The following GPT2 variants were observed in gnomAD, a reference collection of about 807,000 sequenced individuals.
The protein encoded by GPT2 is glutamic--pyruvic transaminase 2, also known as alanine aminotransferase 2.
Under a neutral mutation model 56.9 loss-of-function variants are expected in GPT2, and 30 were observed. The ratio of observed to expected loss-of-function variants is 0.53; its 90% CI spans 0.39 to 0.72. The LOEUF (loss-of-function observed/expected upper bound fraction) is 0.72. GPT2 is among the 30% of genes least tolerant of loss of function. GPT2 has a pLI of 0.00. For missense variants in GPT2, 542 were observed against 703.4 expected, an observed-to-expected ratio of 0.77 and a Z score of 2.60; for synonymous variants, 271 against 283.1, an observed-to-expected ratio of 0.96 and a Z score of 0.43.
At chr16:46,895,910 C>T (rs530771302) in intron 2 of GPT2, among the ~76,000 whole-genome samples, 1 of 152,268 alleles carries the variant, frequency 6.6e-6, no homozygotes, top group African/African-American at 2.4e-5. Flanking sequence ...TCACACATTG[C>T]ATGAAAAGGA....
Position 46,884,931 on chromosome 16 carries a change from C to T in GPT2, c.216C>T (p.Ala72=), listed in dbSNP as rs905504216. The T allele has an allele frequency of 3.9e-6, 6 of 1,528,090 alleles. No individual in the cohort carries two copies. The African/African-American group carries it at 8.4e-5, about 21-fold the overall frequency. 94.7% of individuals were successfully genotyped at this position (1,528,090 alleles called of 1,614,324 possible). Residue 72 remains alanine, a synonymous_variant, in exon 2 of 12, where the codon GCC becomes GCT. Coordinates refer to ENST00000340124, the MANE Select transcript of GPT2 (RefSeq NM_133443.4). ...YAVRGPIVLK[A]GEIELELQRG... is the part of the protein sequence containing the mutation. ...TGCGGGGACCCATCGTGCTCAAGGC[C>T]GGCGAGATCGAGCTCGAGCTGCAGC...
At chr16:46,892,474 G>A (rs1567332974) in intron 2 of GPT2, among the ~76,000 whole-genome samples, 1 of 152,122 alleles carries the variant, frequency 6.6e-6, no homozygotes, top group African/African-American at 2.4e-5. Flanking sequence ...GGATCCTAGG[G>A]TAGTTCTATT....
chr16:46,921,510 G>T (rs1357789630), intron 8 of GPT2, among the ~76,000 whole-genome samples: 1 of 152,138 alleles, frequency 6.6e-6, no homozygotes, highest in Non-Finnish European at 1.5e-5. Context: ...CATTGTGTCA[G>T]GTGCTCTGAG....
In GPT2 at chr16:46,891,273, C is replaced by T. The variant is rs181971841; in HGVS notation, c.243+6315C>T. ...TTACTATTTTTTTGAGACGGAGTCT[C>T]GCTCTGTTGCCCAGGCTAGAGTGCA... On this transcript the variant is annotated intron_variant, in intron 2 of 11. Transcript: ENST00000340124. Among the ~76,000 whole-genome samples, 218 of 152,002 alleles carry T rather than the reference C, an allele frequency of 1.4e-3. 1 individual carries two copies. The highest frequency in any genetic ancestry group is 2.7e-3 in the Non-Finnish European group (182 of 67,974).
chr16:46,891,352 C>T (rs909359299), intron 2 of GPT2, among the ~76,000 whole-genome samples: 12 of 152,146 alleles, frequency 7.9e-5, no homozygotes, highest in Non-Finnish European at 1.8e-4. Context: ...AGGTGATTCT[C>T]TTGCCTCAGC....
chr16:46,901,562 C>T (rs1960817568), intron 4 of GPT2, among the ~76,000 whole-genome samples: 1 of 152,236 alleles, frequency 6.6e-6, no homozygotes, highest in Non-Finnish European at 1.5e-5. Context: ...CAGCTTCCTT[C>T]GCCCTGAGGA....
rs969842838 is a variant in GPT2, at chr16:46,884,454, A to T, written c.-36A>T. On this transcript the variant is annotated 5_prime_UTR_variant, in exon 1 of 12. Transcript: ENST00000340124. Reference sequence around the variant, plus strand: ...AGCTAACCGAGTGCGGCGAGGGCCTACCAGGGGCGACAGGCACGTTGCATG... The same window carrying T: ...AGCTAACCGAGTGCGGCGAGGGCCTTCCAGGGGCGACAGGCACGTTGCATG... 2 of 322,280 alleles carry T rather than the reference A, an allele frequency of 6.2e-6. No homozygotes were observed. The highest frequency in any genetic ancestry group is 5.0e-5 in the Admixed American group (1 of 19,910). The allele number at this position is 322,280 out of a possible 1,614,324, so 20.0% of individuals were successfully genotyped here. A position where few individuals can be genotyped will look rare whatever the true frequency, so the allele number is the denominator to read the frequency against.
chr16:46,886,416 A>T (rs34557213), intron 2 of GPT2, among the ~76,000 whole-genome samples: 44,739 of 152,134 alleles, frequency 0.29, 8,410 homozygotes, highest in Middle Eastern at 0.43. Flanking sequence ...TGGCTCCATG[A>T]GGCTTGAGGA....
chr16:46,888,433 G>A lies in GPT2; in HGVS notation c.243+3475G>A, dbSNP rs572571993. Among the ~76,000 whole-genome samples the A allele has an allele frequency of 1.4e-3, 208 of 152,102 alleles. 1 individual carries two copies. Among genetic ancestry groups the A allele is most frequent in the Admixed American group, 2.6e-3 (39 of 15,282 alleles). On this transcript the variant is annotated intron_variant, in intron 2 of 11. Coordinates refer to ENST00000340124, the MANE Select transcript of GPT2 (RefSeq NM_133443.4). Reference sequence around the variant, plus strand: ...GCGATCTCATCTCACTGCAACCTCCGCCTCCCGGGTTGAAGTGATCCTCCT... The same window carrying A: ...GCGATCTCATCTCACTGCAACCTCCACCTCCCGGGTTGAAGTGATCCTCCT...
chr16:46,884,667 T>A (rs758377353), intron 1 of GPT2, 27 bp from the exon 2 acceptor site: 1 of 1,358,784 alleles, frequency 7.4e-7, no homozygotes, highest in African/African-American at 1.5e-5. Context: ...GCGCGACGTG[T>A]TTGTTCTTTT....
intron 4 of GPT2, among the ~76,000 whole-genome samples, chr16:46,905,736 G>A (rs1014614099): frequency 2.0e-5 from 3 of 152,126 alleles, no homozygotes; most frequent in South Asian, 2.1e-4. Context: ...AAATGTTAAC[G>A]TACAGCTGGA....
rs752682468 is a variant in GPT2 at position 46,909,938 on chromosome 16, T to TA, written c.820+12dup. The TA allele has an allele frequency of 6.3e-7, 1 of 1,583,424 alleles. No individual in the cohort carries two copies. The highest frequency in any genetic ancestry group is 1.7e-5 in the Admixed American group (1 of 57,710). Reference sequence around the variant, plus strand: ...CTGGGAACCCCACAGGTCTGCACTTTACTTCCTCACCAGTTTCGTAGAGGG... The same window carrying TA: ...CTGGGAACCCCACAGGTCTGCACTTTAACTTCCTCACCAGTTTCGTAGAGGG... On this transcript the variant is annotated intron_variant, in intron 6 of 11. Coordinates refer to ENST00000340124, the MANE Select transcript of GPT2 (RefSeq NM_133443.4).
At position 46,910,240 on chromosome 16, in the gene GPT2, G is replaced by A. The variant is rs190412519; in HGVS notation, c.820+313G>A. ...TACTAAAAACACAAAAATTAGCAGG[G>A]CATGGTGGTGTGCGCCTGTAGTCCC... On this transcript the variant is annotated intron_variant, in intron 6 of 11. Coordinates refer to ENST00000340124, the MANE Select transcript of GPT2 (RefSeq NM_133443.4). Among the ~76,000 whole-genome samples, 4 of 152,164 alleles carry A rather than the reference G, an allele frequency of 2.6e-5. No homozygotes were observed. The East Asian group carries it at 7.7e-4, about 29-fold the overall frequency.
chr16:46,906,726 C>T, intron 4 of GPT2, 116 bp from the exon 5 acceptor site: 1 of 1,390,082 alleles, frequency 7.2e-7, no homozygotes. Context: ...AGTTGGGCCC[C>T]ACCCCGAGAC....
chr16:46,925,858 GTGTGGTGGCTCATGCC>G (rs1229488049), intron 10 of GPT2, among the ~76,000 whole-genome samples: 1 of 151,970 alleles, frequency 6.6e-6, no homozygotes, highest in Non-Finnish European at 1.5e-5. Flanking sequence ...CCTGGGCCAG[GTGTGGTGGCTCATGCC>G]TGTAATCACT....
chr16:46,892,495 C>T (rs955041207), intron 2 of GPT2, among the ~76,000 whole-genome samples: 5 of 152,100 alleles, frequency 3.3e-5, no homozygotes, highest in Admixed American at 6.5e-5. Flanking sequence ...TTTAATTTTT[C>T]GAGGAACCTC....
Position 46,906,935 on chromosome 16 carries a change from A to G in GPT2, c.536A>G (p.Asp179Gly). 6.2e-7 allele frequency: 1 copy of G among 1,614,194 alleles called. No homozygotes were observed. Among genetic ancestry groups the G allele is most frequent in the Non-Finnish European group, 8.5e-7 (1 of 1,180,036 alleles). The change falls in exon 5 of 12, where the codon GAC (aspartate) becomes GGC (glycine). Residue 179 changes from aspartate (D) to glycine (G), a missense_variant. Transcript: ENST00000340124. ...RRDGGVPADP[D>G]NIYLTTGASD... ...GATGGCGGTGTGCCTGCGGACCCCG[A>G]CAACATCTACCTGACCACGGGAGCT...
At chr16:46,916,814 G>A (rs1372527777) in intron 7 of GPT2, 107 bp downstream of exon 7, 1 of 811,562 alleles carries the variant, frequency 1.2e-6, no homozygotes, top group Non-Finnish European at 2.2e-6. Context: ...TGGTGTTGGA[G>A]GAATGATTCT....
chr16:46,900,370 G>A (rs527668351), intron 3 of GPT2, among the ~76,000 whole-genome samples: 2 of 152,146 alleles, frequency 1.3e-5, no homozygotes, highest in African/African-American at 4.8e-5. Flanking sequence ...ATTGTGCCTT[G>A]GGTGTGTGAG....
Sources: allele counts gnomAD v4.1 joint callset (sites outside exome capture counted in the v4.1 genomes callset), GRCh38; gene constraint gnomAD v4.1.1; transcripts MANE v1.5; gene names NCBI Gene and HGNC (gene_info 2026-07-23, HGNC 2026-07-21).